The following REPS2 variants were observed in gnomAD, a reference collection of about 807,000 sequenced individuals.
REPS2 encodes ralBP1-associated Eps domain-containing protein 2.
In REPS2, 23 loss-of-function variants were observed where a neutral mutation model predicts 53.6. That is an observed-to-expected ratio of 0.43 (90% CI 0.31 to 0.61). REPS2 has a LOEUF of 0.61. Among genes scored for constraint, REPS2 ranks in the 20% least tolerant of loss-of-function variants. REPS2 has a pLI of 0.11. For synonymous variants in REPS2, 238 were observed against 218.6 expected, an observed-to-expected ratio of 1.09 and a Z score of -0.78; for missense variants, 446 against 534.9, an observed-to-expected ratio of 0.83 and a Z score of 1.64.
intron 14 of REPS2, among the ~76,000 whole-genome samples, chrX:17,121,876 G>A (rs748768915): frequency 5.4e-5 from 6 of 110,698 alleles, no homozygotes; most frequent in Non-Finnish European, 1.1e-4. Context: ...TCAGCCTTCC[G>A]AGTAGCTGGG....
At chrX:17,124,102 T>C (rs1054080842) in intron 14 of REPS2, among the ~76,000 whole-genome samples, 2 of 112,399 alleles carry the variant, frequency 1.8e-5, no homozygotes, top group African/African-American at 6.5e-5. Context: ...AGACTAAGCA[T>C]GTGACCAGCT....
At position 17,022,137 on chromosome X, in the gene REPS2, C is replaced by T. The variant is rs949060639; in HGVS notation, c.412C>T (p.Arg138Cys). 2 of 1,206,086 alleles carry T rather than the reference C, an allele frequency of 1.7e-6. No individual in the cohort carries two copies. The highest frequency in any genetic ancestry group is 2.2e-6 in the Non-Finnish European group (2 of 892,206). Residue 138 changes from arginine to cysteine, a missense_variant, in exon 3 of 18, where the codon CGC becomes TGC. Physicochemically the swap from Arg to Cys is radical, Grantham distance 180 (BLOSUM62 -3). Coordinates refer to ENST00000357277, the MANE Select transcript of REPS2 (RefSeq NM_004726.3). ...ESIKCELPLP[R>C]FMMSKNDGEI... ...TGGTCCCAAAGAATTGCCTCTGCCT[C>T]GCTTTATGATGTCAAAGAATGATGG...
downstream of REPS2, among the ~76,000 whole-genome samples, chrX:17,158,098 AT>A (rs141819497): frequency 1.8e-5 from 2 of 111,898 alleles, no homozygotes; most frequent in Non-Finnish European, 3.8e-5. Context: ...CTTTTGTGTT[AT>A]TTTTTAGTTG....
chrX:17,006,630 G>A (rs1439926839), intron 2 of REPS2, among the ~76,000 whole-genome samples: 1 of 111,587 alleles, frequency 9.0e-6, no homozygotes, highest in Non-Finnish European at 1.9e-5. Flanking sequence ...AGAGCCTGTG[G>A]CAAATAATCA....
intron 4 of REPS2, 24 bp downstream of exon 4, chrX:17,025,209 C>A: frequency 8.4e-7 from 1 of 1,196,422 alleles, no homozygotes; most frequent in Non-Finnish European, 1.1e-6. Context: ...TGGGGGCCAG[C>A]TGTCCCAGGC....
intron 9 of REPS2, among the ~76,000 whole-genome samples, chrX:17,064,019 G>A (rs1239646476): frequency 9.1e-6 from 1 of 110,213 alleles, no homozygotes; most frequent in Non-Finnish European, 1.9e-5. Context: ...TCACCTTTGT[G>A]GATTTTATAT....
intron 1 of REPS2, among the ~76,000 whole-genome samples, chrX:16,999,368 A>ATTTTT (rs1162932789): frequency 7.0e-4 from 44 of 62,718 alleles, no homozygotes; most frequent in African/African-American, 9.9e-4. Context: ...GATGTTCCTG[A>ATTTTT]TTTTTTTTTT....
At chrX:17,051,963 G>A (rs995399121) in intron 6 of REPS2, among the ~76,000 whole-genome samples, 4 of 111,797 alleles carry the variant, frequency 3.6e-5, no homozygotes, top group African/African-American at 1.3e-4. Context: ...ATCTCTGTGT[G>A]GTGTGATCAA....
At chrX:17,092,012 G>T (rs150489496) in intron 13 of REPS2, among the ~76,000 whole-genome samples, 1,149 of 111,232 alleles carry the variant, frequency 0.01, 7 homozygotes, top group Middle Eastern at 0.037. Flanking sequence ...TCCCCCCTTT[G>T]GTATTCGAAT....
At chrX:17,079,302 C>G (rs2062422730) in intron 13 of REPS2, among the ~76,000 whole-genome samples, 2 of 111,765 alleles carry the variant, frequency 1.8e-5, no homozygotes, top group African/African-American at 6.5e-5. Flanking sequence ...AATGGCAAGC[C>G]TCCACCGAGG....
At chrX:17,092,115 AGAATCG>A (rs1569171261) in intron 13 of REPS2, among the ~76,000 whole-genome samples, 3 of 111,829 alleles carry the variant, frequency 2.7e-5, no homozygotes, top group Admixed American at 1.9e-4. Flanking sequence ...TTCCCCCTGA[AGAATCG>A]GCTCTCTGTT....
At chrX:16,984,279 T>C (rs1416577167) in intron 1 of REPS2, among the ~76,000 whole-genome samples, 1 of 112,102 alleles carries the variant, frequency 8.9e-6, no homozygotes, top group Non-Finnish European at 1.9e-5. Context: ...TTCCTCACCA[T>C]GTGGGTCTCT....
intron 1 of REPS2, among the ~76,000 whole-genome samples, chrX:16,987,631 C>T (rs778774873): frequency 6.3e-5 from 7 of 111,206 alleles, no homozygotes; most frequent in African/African-American, 2.3e-4. Flanking sequence ...ATATTTTAAC[C>T]CCTGCAGGCC....
chrX:16,995,591 A>T (rs1462124649), intron 1 of REPS2, among the ~76,000 whole-genome samples: 2 of 112,169 alleles, frequency 1.8e-5, no homozygotes, highest in Non-Finnish European at 3.8e-5. Flanking sequence ...CATTTCCCTC[A>T]AACTTCTTAG....
At chrX:17,137,690 C>T (rs2063390192) in intron 16 of REPS2, 1 of 111,730 alleles carries the variant, frequency 9.0e-6, no homozygotes, top group Non-Finnish European at 1.9e-5. Flanking sequence ...ATTGTAGCCT[C>T]GAATTCCTGG....
intron 1 of REPS2, among the ~76,000 whole-genome samples, chrX:16,963,268 A>C (rs146938636): frequency 1.2e-3 from 134 of 112,396 alleles, no homozygotes; most frequent in African/African-American, 4.1e-3. Context: ...CCACGCCTTA[A>C]AAATCTTACA....
intron 5 of REPS2, among the ~76,000 whole-genome samples, 196 bp from the exon 6 acceptor site, chrX:17,047,151 A>G (rs1280808600): frequency 3.6e-5 from 4 of 112,054 alleles, no homozygotes; most frequent in African/African-American, 1.3e-4. Context: ...TTTGAAGAAT[A>G]CAAAAAATAC....
intron 14 of REPS2, among the ~76,000 whole-genome samples, chrX:17,118,633 G>A (rs1439803839): frequency 1.8e-5 from 2 of 112,224 alleles, no homozygotes; most frequent in Non-Finnish European, 3.8e-5. Flanking sequence ...CATGTAGAGA[G>A]AGAAAAATCA....
At chrX:16,948,706 G>A (rs1237162868) in intron 1 of REPS2, among the ~76,000 whole-genome samples, 1 of 112,048 alleles carries the variant, frequency 8.9e-6, no homozygotes, top group Non-Finnish European at 1.9e-5. Flanking sequence ...ATTTCCTGAT[G>A]TTAGAACCCA....
Sources: gnomAD v4.1 joint callset for allele counts (sites outside exome capture counted in the v4.1 genomes callset) on GRCh38, gnomAD v4.1.1 for gene constraint, MANE v1.5 for transcripts, NCBI Gene and HGNC (gene_info 2026-07-23, HGNC 2026-07-21) for gene names.